MTHFS: variants seen among roughly 807,000 people sequenced by gnomAD.
The protein encoded by MTHFS is methenyltetrahydrofolate synthetase, also known as 5-formyltetrahydrofolate cyclo-ligase.
Under a neutral mutation model 12.7 loss-of-function variants are expected in MTHFS, and 7 were observed. The ratio of observed to expected loss-of-function variants is 0.55; its 90% CI spans 0.31 to 1.03. The LOEUF is 1.03. Ranked by LOEUF, MTHFS falls within the 50% of genes least tolerant of loss-of-function variation. MTHFS has a pLI of 0.05. For synonymous variants in MTHFS, 100 were observed against 97.1 expected (o/e 1.03, Z -0.18); for missense variants, 252 against 258.1 (o/e 0.98, Z 0.16).
intron 2 of MTHFS, among the ~76,000 whole-genome samples, chr15:79,866,864 G>C (rs1173859629): frequency 6.6e-6 from 1 of 152,124 alleles, no homozygotes; most frequent in Non-Finnish European, 1.5e-5. Context: ...GCTGAGACAG[G>C]AGAATCGCTT....
At chr15:79,853,149 T>C (rs1229736347) in intron 2 of MTHFS, among the ~76,000 whole-genome samples, 1 of 152,090 alleles carries the variant, frequency 6.6e-6, no homozygotes. Flanking sequence ...GAAAGAAGAG[T>C]GGCTACCTCT....
chr15:79,896,742 T>C, intron 1 of MTHFS, 130 bp downstream of exon 1: 1 of 1,056,316 alleles, frequency 9.5e-7, no homozygotes, highest in Non-Finnish European at 1.2e-6. Context: ...AGGGGAAACG[T>C]GCGCGCGCCG....
rs868171997 is a variant in MTHFS, at chr15:79,869,129, G to A, written c.379+19964C>T. Among the ~76,000 whole-genome samples the A allele has an allele frequency of 5.9e-5, 9 of 152,216 alleles. No individual in the cohort carries two copies. In the Middle Eastern group the frequency reaches 0.014, roughly 230 times the overall value. On this transcript the variant is annotated intron_variant, in intron 2 of 2. Transcript: ENST00000258874. ...ATTTAATAAAATATACAAAAGGAAC[G>A]AAAGCAGACTCTTGGCAAATGAAGT...
chr15:79,897,255 G>T, upstream of MTHFS: 2 of 456,250 alleles, frequency 4.4e-6, no homozygotes, highest in Non-Finnish European at 7.6e-6. Context: ...CGCCGTCGCT[G>T]CCCTGCCGCC....
intron 2 of MTHFS, among the ~76,000 whole-genome samples, chr15:79,870,041 T>C (rs146368717): frequency 2.0e-4 from 31 of 152,176 alleles, no homozygotes; most frequent in Non-Finnish European, 2.8e-4. Flanking sequence ...ATGAAAGAGA[T>C]GACTAAATAC....
chr15:79,891,201 T>C (rs2034466383), intron 1 of MTHFS, among the ~76,000 whole-genome samples: 1 of 152,150 alleles, frequency 6.6e-6, no homozygotes, highest in Non-Finnish European at 1.5e-5. Context: ...TCAGGCAGAA[T>C]CCACTCCTCC....
intron 2 of MTHFS, among the ~76,000 whole-genome samples, chr15:79,875,062 C>A (rs974054813): frequency 6.6e-6 from 1 of 152,132 alleles, no homozygotes; most frequent in Non-Finnish European, 1.5e-5. Flanking sequence ...CATAGGAAAT[C>A]ACAAGAGTAT....
At chr15:79,876,409 G>C (rs554627333) in intron 2 of MTHFS, 1 of 151,858 alleles carries the variant, frequency 6.6e-6, no homozygotes, top group African/African-American at 2.4e-5. Context: ...TCAGGAGATC[G>C]AGACCATCCT....
At chr15:79,877,662 C>A (rs1256597975) in intron 2 of MTHFS, 1 of 151,902 alleles carries the variant, frequency 6.6e-6, no homozygotes, top group Non-Finnish European at 1.5e-5. Flanking sequence ...GATCATGTCA[C>A]TGCACTTCAG....
At chr15:79,890,717 A>G (rs891744008) in intron 1 of MTHFS, among the ~76,000 whole-genome samples, 9 of 152,232 alleles carry the variant, frequency 5.9e-5, no homozygotes, top group Non-Finnish European at 1.2e-4. Context: ...GTTATCACTA[A>G]TAAAAAAGGA....
intron 2 of MTHFS, among the ~76,000 whole-genome samples, chr15:79,848,286 C>A (rs1596060001): frequency 6.6e-6 from 1 of 151,974 alleles, no homozygotes; most frequent in Admixed American, 6.5e-5. Context: ...CATGTGGTAT[C>A]TAGAGTAGTC....
At chr15:79,875,401 G>A (rs931758314) in intron 2 of MTHFS, among the ~76,000 whole-genome samples, 7 of 152,112 alleles carry the variant, frequency 4.6e-5, no homozygotes, top group African/African-American at 1.7e-4. Context: ...GAAAAACACT[G>A]CCAGCCAAGA....
rs888125082 is a variant in MTHFS, at chr15:79,882,994, C to T, written c.379+6099G>A. Among the ~76,000 whole-genome samples the T allele has an allele frequency of 2.0e-5, 3 of 152,174 alleles. No individual in the cohort carries two copies. In the South Asian group the frequency reaches 6.2e-4, roughly 32 times the overall value. The stretch of plus-strand genomic sequence containing the variant: ...GCCAAGCCAGGAGGATTGCTTGAGG[C>T]CAGGAGTTCAAGATCAGCCTGGGCA... On this transcript the variant is annotated intron_variant, in intron 2 of 2. Transcript: ENST00000258874.
At chr15:79,852,000 TAA>T (rs2033725099) in intron 2 of MTHFS, among the ~76,000 whole-genome samples, 1 of 152,176 alleles carries the variant, frequency 6.6e-6, no homozygotes, top group African/African-American at 2.4e-5. Flanking sequence ...TATTATGATG[TAA>T]AGAGTCTCTA....
At chr15:79,860,375 C>T (rs370573942) in intron 2 of MTHFS, among the ~76,000 whole-genome samples, 4 of 149,822 alleles carry the variant, frequency 2.7e-5, no homozygotes, top group Non-Finnish European at 4.4e-5. Flanking sequence ...GGCAACAGAG[C>T]GAGACTCCAT....
At chr15:79,851,911 T>C (rs1488124274) in intron 2 of MTHFS, among the ~76,000 whole-genome samples, 2 of 152,214 alleles carry the variant, frequency 1.3e-5, no homozygotes, top group Non-Finnish European at 2.9e-5. Flanking sequence ...GCTGCCTGGG[T>C]CTGAATCCAG....
intron 1 of MTHFS, among the ~76,000 whole-genome samples, chr15:79,895,820 G>A (rs1322929546): frequency 6.6e-6 from 1 of 152,180 alleles, no homozygotes; most frequent in African/African-American, 2.4e-5. Context: ...AAAGCCTGAT[G>A]GTATAACTAA....
intron 2 of MTHFS, among the ~76,000 whole-genome samples, chr15:79,886,428 G>A (rs540118527): frequency 9.2e-5 from 14 of 152,044 alleles, no homozygotes; most frequent in Admixed American, 7.2e-4. Context: ...CTGAAGTTTC[G>A]AGAAACTGTG....
chr15:79,889,964 A>C (rs1306641276), intron 1 of MTHFS, among the ~76,000 whole-genome samples: 1 of 152,148 alleles, frequency 6.6e-6, no homozygotes, highest in Non-Finnish European at 1.5e-5. Context: ...CCATGAACTG[A>C]GTTCTCTGAG....
Sources: allele counts gnomAD v4.1 joint callset (sites outside exome capture counted in the v4.1 genomes callset), GRCh38; gene constraint gnomAD v4.1.1; transcripts MANE v1.5; gene names NCBI Gene and HGNC (gene_info 2026-07-23, HGNC 2026-07-21).